DISP2: variants seen among roughly 807,000 people sequenced by gnomAD.
DISP2 encodes the protein protein dispatched homolog 2.
In DISP2, 59 loss-of-function variants were observed where a neutral mutation model predicts 95.5. That is an observed-to-expected ratio of 0.62 (90% CI 0.50 to 0.77). The LOEUF is 0.77. Ranked by LOEUF, DISP2 falls within the 30% of genes least tolerant of loss-of-function variation. DISP2 has a pLI of 0.00. For missense variants in DISP2, 1,752 were observed against 1,854.6 expected (o/e 0.94, Z 1.02); for synonymous variants, 827 against 815.0 (o/e 1.01, Z -0.25).
At position 40,358,457 on chromosome 15, in the gene DISP2, C is replaced by T; in HGVS notation, c.119+17C>T. ...CCCGGACAGGTAGGGCGGACAGCTC[C>T]GCAGATCCGTATCACAGACCCTCCC... On this transcript the variant is annotated intron_variant, in intron 1 of 7. Transcript: ENST00000267889. 7.8e-7 allele frequency: 1 copy of T among 1,289,282 alleles called. No homozygotes were observed. The highest frequency in any genetic ancestry group is 1.5e-5 in the African/African-American group (1 of 64,892). 79.9% of individuals were successfully genotyped at this position (1,289,282 alleles called of 1,614,324 possible). A position where few individuals can be genotyped will look rare whatever the true frequency, so the allele number is the denominator to read the frequency against.
rs956212345 is a variant in DISP2 at position 40,358,449 on chromosome 15, G to T, written c.119+9G>T. 2.3e-6 allele frequency: 3 copies of T among 1,305,220 alleles called. No individual in the cohort carries two copies. Among genetic ancestry groups the T allele is most frequent in the South Asian group, 4.3e-5 (2 of 46,936 alleles). 80.9% of individuals were successfully genotyped at this position (1,305,220 alleles called of 1,614,324 possible). On this transcript the variant is annotated intron_variant, in intron 1 of 7. Coordinates refer to ENST00000267889, the MANE Select transcript of DISP2 (RefSeq NM_033510.3). Reference sequence around the variant, plus strand: ...GGCGGCTCCCCGGACAGGTAGGGCGGACAGCTCCGCAGATCCGTATCACAG... The same window carrying T: ...GGCGGCTCCCCGGACAGGTAGGGCGTACAGCTCCGCAGATCCGTATCACAG...
In DISP2 at chr15:40,358,296, C is replaced by G. The variant is rs1889347764; in HGVS notation, c.-26C>G. Reference sequence around the variant, plus strand: ...CGCCGCCGCGGCTTCAGCACCAGCGCCCGGACAGCGGTGCCGCCCACGGGC... The same window carrying G: ...CGCCGCCGCGGCTTCAGCACCAGCGGCCGGACAGCGGTGCCGCCCACGGGC... On this transcript the variant is annotated 5_prime_UTR_variant, in exon 1 of 8. Coordinates refer to ENST00000267889, the MANE Select transcript of DISP2 (RefSeq NM_033510.3). The G allele has an allele frequency of 7.9e-7, 1 of 1,267,050 alleles. No individual in the cohort carries two copies. Among genetic ancestry groups the G allele is most frequent in the Admixed American group, 4.0e-5 (1 of 24,788 alleles). The allele number at this position is 1,267,050 out of a possible 1,614,324, so 78.5% of individuals were successfully genotyped here.
In DISP2 at chr15:40,375,162, A is replaced by G. The variant is rs979725979; in HGVS notation, c.*4844A>G. ...ATATGAGAAACAAAAGAAAGCCACT[A>G]TGTGCTATGTAAATGTCTGGCCATC... On this transcript the variant is annotated 3_prime_UTR_variant, in exon 8 of 8. Coordinates refer to ENST00000267889, the MANE Select transcript of DISP2 (RefSeq NM_033510.3). The G allele has an allele frequency of 2.0e-5, 3 of 152,270 alleles. No homozygotes were observed. The highest frequency in any genetic ancestry group is 2.9e-5 in the Non-Finnish European group (2 of 68,046). 9.4% of individuals were successfully genotyped at this position (152,270 alleles called of 1,614,324 possible).
At chr15:40,365,560 C>G in intron 6 of DISP2, 68 bp from the exon 7 acceptor site, 2 of 1,563,950 alleles carry the variant, frequency 1.3e-6, no homozygotes, top group Non-Finnish European at 1.8e-6. Flanking sequence ...GGGTAAGCAT[C>G]TTCCCTTTGG....
chr15:40,363,527 G>T, intron 1 of DISP2, 98 bp from the exon 2 acceptor site: 1 of 889,880 alleles, frequency 1.1e-6, no homozygotes, highest in Non-Finnish European at 1.7e-6. Context: ...CTGAGTCCCT[G>T]TCCCCTTGTC....
intron 7 of DISP2, 36 bp downstream of exon 7, chr15:40,365,761 G>C (rs752689578): frequency 5.6e-6 from 9 of 1,601,974 alleles, no homozygotes; most frequent in Non-Finnish European, 6.8e-6. Context: ...GGTTTGGGGG[G>C]AACTAAGGAC....
intron 1 of DISP2, among the ~76,000 whole-genome samples, chr15:40,361,627 T>G (rs1889407475): frequency 6.6e-6 from 1 of 152,182 alleles, no homozygotes; most frequent in Non-Finnish European, 1.5e-5. Flanking sequence ...AAGGTCATTC[T>G]CTCCTGTACT....
At position 40,368,743 on chromosome 15, in the gene DISP2, G is replaced by C. The variant is rs1264660112; in HGVS notation, c.2631G>C (p.Met877Ile). ...AGTTTTTCCTGCACTGCCTGAAAAT[G>C]ATGGCTCTGGAGCAAGGCCCCGATG... ...APQFFLHCLKMMALEQGPDGT... is the reference protein window; with the variant it reads ...APQFFLHCLKIMALEQGPDGT... The change falls in exon 8 of 8, where the codon ATG becomes ATC. Residue 877 changes from methionine to isoleucine, a missense_variant. Physicochemically the swap from Met to Ile is conservative, Grantham distance 10. This residue lies in a region of DISP2 where 317 missense variants were observed against 394.9 expected (regional missense o/e 0.80). Transcript: ENST00000267889. 1 of 1,613,748 alleles carries C rather than the reference G, an allele frequency of 6.2e-7. No individual in the cohort carries two copies.
In DISP2 at chr15:40,369,480, TCCTCTGGC is replaced by T. The variant is rs1889592695; in HGVS notation, c.3372_3379del (p.Trp1125CysfsTer37). 6.2e-7 allele frequency: 1 copy of T among 1,613,048 alleles called. No individual in the cohort carries two copies. The highest frequency in any genetic ancestry group is 8.5e-7 in the Non-Finnish European group (1 of 1,179,984). ...GGGCCAGAGAAGAACTGTGGGCAGATCCTCTGGCCCTGTGCCCACCTGCCATGGGATGC... is the reference window on the plus strand; with the variant it reads ...GGGCCAGAGAAGAACTGTGGGCAGATCCTGTGCCCACCTGCCATGGGATGC... On this transcript the variant is annotated frameshift_variant, in exon 8 of 8. Transcript: ENST00000267889. LOFTEE classifies it high-confidence loss of function.
chr15:40,369,118 C>A lies in DISP2; in HGVS notation c.3006C>A (p.Leu1002=), dbSNP rs1332814636. The A allele has an allele frequency of 6.2e-7, 1 of 1,613,922 alleles. No individual in the cohort carries two copies. The highest frequency in any genetic ancestry group is 1.1e-5 in the South Asian group (1 of 91,088). The change falls in exon 8 of 8, where the codon CTC becomes CTA. Residue 1002 remains leucine, a synonymous_variant. Transcript: ENST00000267889. The part of the protein sequence containing the change: ...SVAAVAGTVL[L]TVGLLVLLEW... ...CAGCTGTGGCAGGCACCGTGCTGCT[C>A]ACTGTAGGACTCCTGGTTCTCCTCG... is the stretch of plus-strand genomic sequence containing the variant.
chr15:40,369,056 G>C lies in DISP2; in HGVS notation c.2944G>C (p.Gly982Arg), dbSNP rs754247899. The C allele has an allele frequency of 4.3e-5, 69 of 1,613,918 alleles. No homozygotes were observed. Among genetic ancestry groups the C allele is most frequent in the Non-Finnish European group, 5.8e-5 (69 of 1,180,054 alleles). ...LALAFATLLL[G>R]TWNVPLSLFS... is the part of the protein sequence containing the mutation. ...GCTGGCCTTTGCCACACTGCTCCTG[G>C]GCACCTGGAATGTTCCCCTCAGCCT... The change falls in exon 8 of 8, where the codon GGC (glycine) becomes CGC (arginine). Residue 982 changes from glycine (G) to arginine (R), a missense_variant. Transcript: ENST00000267889.
At position 40,363,787 on chromosome 15, in the gene DISP2, C is replaced by T. The variant is rs775119602; in HGVS notation, c.282C>T (p.Thr94=). 5.6e-6 allele frequency: 9 copies of T among 1,613,394 alleles called. No homozygotes were observed. The highest frequency in any genetic ancestry group is 6.8e-6 in the Non-Finnish European group (8 of 1,179,556). The change falls in exon 2 of 8, where the codon ACC becomes ACT. Residue 94 remains threonine (T), a synonymous_variant. Transcript: ENST00000267889. ...GCCCCTTGGCCCCTGCCCACTTCAC[C>T]TATCCCCGGGCACTGCAGGAATACC... ...PSSPLAPAHF[T]YPRALQEYQG...
At chr15:40,359,367 C>A (rs1889371781) in intron 1 of DISP2, among the ~76,000 whole-genome samples, 3 of 152,224 alleles carry the variant, frequency 2.0e-5, no homozygotes, top group Admixed American at 2.0e-4. Flanking sequence ...GGGGAGAAAG[C>A]CCCACAAGTA....
In DISP2 at chr15:40,373,254, T is replaced by C. The variant is rs777250874; in HGVS notation, c.*2936T>C. 3 of 152,254 alleles carry C rather than the reference T, an allele frequency of 2.0e-5. No homozygotes were observed. The highest frequency in any genetic ancestry group is 2.9e-5 in the Non-Finnish European group (2 of 68,054). The allele number at this position is 152,254 out of a possible 1,614,324, so 9.4% of individuals were successfully genotyped here. ...GTACAAAAATGAGTCAAAGCACTTATGCTTGCCCTGCAAAATTCAAGAAAT... is the reference window on the plus strand; with the variant it reads ...GTACAAAAATGAGTCAAAGCACTTACGCTTGCCCTGCAAAATTCAAGAAAT... On this transcript the variant is annotated 3_prime_UTR_variant, in exon 8 of 8. Transcript: ENST00000267889.
At position 40,371,583 on chromosome 15, in the gene DISP2, G is replaced by A. The variant is rs532076925; in HGVS notation, c.*1265G>A. The A allele has an allele frequency of 5.9e-5, 9 of 152,354 alleles. No homozygotes were observed. Among genetic ancestry groups the A allele is most frequent in the African/African-American group, 1.9e-4 (8 of 41,576 alleles). The allele number at this position is 152,354 out of a possible 1,614,324, so 9.4% of individuals were successfully genotyped here. A position where few individuals can be genotyped will look rare whatever the true frequency, so the allele number is the denominator to read the frequency against. On this transcript the variant is annotated 3_prime_UTR_variant, in exon 8 of 8. Coordinates refer to ENST00000267889, the MANE Select transcript of DISP2 (RefSeq NM_033510.3). ...GGCAGGAACTCAGACCTGCCCTTTGGGAAGTGTATGAGTCTGAAGCTGCTT... is the reference window on the plus strand; with the variant it reads ...GGCAGGAACTCAGACCTGCCCTTTGAGAAGTGTATGAGTCTGAAGCTGCTT...
At position 40,377,160 on chromosome 15, in the gene DISP2, T is replaced by TA. The variant is rs1889740330; in HGVS notation, c.*6847dup. The TA allele has an allele frequency of 6.6e-6, 1 of 151,664 alleles. No homozygotes were observed. Among genetic ancestry groups the TA allele is most frequent in the Non-Finnish European group, 1.5e-5 (1 of 67,998 alleles). 9.4% of individuals were successfully genotyped at this position (151,664 alleles called of 1,614,324 possible). On this transcript the variant is annotated 3_prime_UTR_variant, in exon 8 of 8. Transcript: ENST00000267889. ...TAACATGGTGAAACCTCATCTCTAC[T>TA]AAAAATACAAAAAAATAGCTGGGCG...
Position 40,364,230 on chromosome 15 carries a change from G to A in DISP2, c.454G>A (p.Glu152Lys), listed in dbSNP as rs1265631590. The change falls in exon 3 of 8, where the codon GAA becomes AAA. Residue 152 changes from glutamate (E) to lysine (K), a missense_variant. Glu to Lys is a moderately conservative substitution (Grantham distance 56). This residue lies in a region of DISP2 where 342 missense variants were observed against 364.3 expected (regional missense o/e 0.94). Coordinates refer to ENST00000267889, the MANE Select transcript of DISP2 (RefSeq NM_033510.3). Reference sequence around the variant, plus strand: ...ATCTTTTCTTCTCTTCCACAGGCAGGAACGAGCCTTCCAGATGCCAAAGAG... The same window carrying A: ...ATCTTTTCTTCTCTTCCACAGGCAGAAACGAGCCTTCCAGATGCCAAAGAG... ...VQHHVVSVRQ[E>K]RAFQMPKSYS... 3 of 1,614,114 alleles carry A rather than the reference G, an allele frequency of 1.9e-6. No homozygotes were observed. The highest frequency in any genetic ancestry group is 3.3e-5 in the Admixed American group (2 of 60,028).
chr15:40,360,864 T>A (rs1889395423), intron 1 of DISP2, among the ~76,000 whole-genome samples: 2 of 152,166 alleles, frequency 1.3e-5, no homozygotes, highest in African/African-American at 4.8e-5. Flanking sequence ...CAAGCCCTGC[T>A]CTGAAGAGGG....
chr15:40,368,047 G>A lies in DISP2; in HGVS notation c.1935G>A (p.Glu645=). Residue 645 remains glutamate (E), a synonymous_variant, in exon 8 of 8, where the codon GAG becomes GAA. Coordinates refer to ENST00000267889, the MANE Select transcript of DISP2 (RefSeq NM_033510.3). The stretch of plus-strand genomic sequence containing the variant: ...TGCCCGCCTCCGCCGTGCTCCACGA[G>A]CGCTACCTGGCGCGCGGCTGTGCGC... ...VWLPASAVLH[E]RYLARGCARR... is the part of the protein sequence containing the mutation. 6.6e-7 allele frequency: 1 copy of A among 1,518,502 alleles called. No individual in the cohort carries two copies. The highest frequency in any genetic ancestry group is 8.8e-7 in the Non-Finnish European group (1 of 1,138,942). The allele number at this position is 1,518,502 out of a possible 1,614,324, so 94.1% of individuals were successfully genotyped here.
Sources: gnomAD v4.1 joint callset for allele counts (sites outside exome capture counted in the v4.1 genomes callset) on GRCh38, gnomAD v4.1.1 for gene constraint, gnomAD v4.1.1 regional missense constraint, MANE v1.5 for transcripts, NCBI Gene and HGNC (gene_info 2026-07-23, HGNC 2026-07-21) for gene names.